Variants in ARSG observed in about 807,000 individuals in gnomAD.
ARSG encodes ASG.
Under a neutral mutation model 50.5 loss-of-function variants are expected in ARSG, and 37 were observed. The observed-to-expected ratio is 0.73, with a 90% confidence interval of 0.56 to 0.96. The LOEUF (loss-of-function observed/expected upper bound fraction) is 0.96. ARSG is among the 50% of genes least tolerant of loss of function. The pLI is 0.00. For synonymous variants in ARSG, 225 were observed against 254.6 expected (o/e 0.88, Z 1.11); for missense variants, 629 against 675.3 (o/e 0.93, Z 0.76).
intron 3 of ARSG, among the ~76,000 whole-genome samples, chr17:68,345,169 G>A (rs538173190): frequency 6.6e-6 from 1 of 152,208 alleles, no homozygotes; most frequent in African/African-American, 2.4e-5. Flanking sequence ...AGTTACATGC[G>A]TCCATGTAAA....
chr17:68,322,635 AAATT>A (rs1485520454), intron 2 of ARSG, among the ~76,000 whole-genome samples: 1 of 141,880 alleles, frequency 7.0e-6, no homozygotes, highest in Non-Finnish European at 1.6e-5. Context: ...AAATAAAAAA[AAATT>A]AAAAAAAAAA....
At chr17:68,441,027 G>C in the ARSG span, 2 of 152,194 alleles carry the variant, frequency 1.3e-5, 1 homozygote, top group South Asian at 4.1e-4. Context: ...ACCATGAACT[G>C]TTCAATGATC....
intron 2 of ARSG, among the ~76,000 whole-genome samples, chr17:68,309,433 C>G (rs1284441170): frequency 2.0e-5 from 3 of 152,220 alleles, no homozygotes; most frequent in Admixed American, 6.5e-5. Context: ...CGAGAGCGAG[C>G]GAGGGCTGTG....
intron 9 of ARSG, among the ~76,000 whole-genome samples, chr17:68,388,019 A>C (rs2080810283): frequency 6.6e-6 from 1 of 152,178 alleles, no homozygotes; most frequent in Non-Finnish European, 1.5e-5. Context: ...ACCTGCCTCC[A>C]CAGACACAAG....
At chr17:68,448,703 A>G in the ARSG span, among the ~76,000 whole-genome samples, 2 of 152,238 alleles carry the variant, frequency 1.3e-5, no homozygotes, top group South Asian at 4.1e-4. Flanking sequence ...CAATCTTAAA[A>G]AGATCATCAG....
chr17:68,348,680 C>T (rs1159936759), intron 4 of ARSG, among the ~76,000 whole-genome samples: 1 of 152,072 alleles, frequency 6.6e-6, no homozygotes, highest in Non-Finnish European at 1.5e-5. Flanking sequence ...GCCTCAGCCT[C>T]CCAAGTAGCT....
At chr17:68,427,978 C>G in the ARSG span, among the ~76,000 whole-genome samples, 1 of 151,650 alleles carries the variant, frequency 6.6e-6, no homozygotes, top group Non-Finnish European at 1.5e-5. Context: ...CAGTCTTGAC[C>G]TTCCTGGGCT....
At chr17:68,294,387 G>T (rs371232430) in intron 1 of ARSG, among the ~76,000 whole-genome samples, 1 of 152,136 alleles carries the variant, frequency 6.6e-6, no homozygotes, top group Admixed American at 6.6e-5. Context: ...TCAAGTCTTC[G>T]TGTTGGGTTG....
At chr17:68,403,815 C>T (rs952741659) in intron 11 of ARSG, among the ~76,000 whole-genome samples, 4 of 152,112 alleles carry the variant, frequency 2.6e-5, no homozygotes, top group African/African-American at 9.7e-5. Context: ...CCCATTAACT[C>T]GTCATTTACA....
chr17:68,288,507 C>T (rs533692261), upstream of ARSG, among the ~76,000 whole-genome samples: 1 of 152,252 alleles, frequency 6.6e-6, no homozygotes, highest in East Asian at 1.9e-4. Context: ...AGGGATCTAA[C>T]TGGTGAGGCG....
At chr17:68,431,015 T>C in the ARSG span, among the ~76,000 whole-genome samples, 1 of 152,146 alleles carries the variant, frequency 6.6e-6, no homozygotes, top group African/African-American at 2.4e-5. Flanking sequence ...AAAGTGACTA[T>C]GCTAGGTGCA....
At chr17:68,396,880 G>A (rs900339887) in intron 10 of ARSG, among the ~76,000 whole-genome samples, 1 of 152,220 alleles carries the variant, frequency 6.6e-6, no homozygotes, top group African/African-American at 2.4e-5. Context: ...CTAAGCAGGA[G>A]CAGCCAGGCA....
At chr17:68,261,123 C>T (rs115983431) in intron 1 of ARSG, among the ~76,000 whole-genome samples, 4,225 of 152,230 alleles carry the variant, frequency 0.028, 182 homozygotes, top group African/African-American at 0.094. Context: ...CCAGCTGTTT[C>T]GTAGCAGCAC....
chr17:68,282,947 C>CAA (rs113598461), intron 1 of ARSG: 2 of 90,762 alleles, frequency 2.2e-5, no homozygotes, highest in Non-Finnish European at 2.3e-5. Flanking sequence ...GACTCTGTCT[C>CAA]AAAAAAAAAA....
chr17:68,271,634 G>T lies in ARSG; in HGVS notation c.-552+12208G>T, dbSNP rs368721903. The T allele has an allele frequency of 1.4e-5, 23 of 1,613,054 alleles. No individual in the cohort carries two copies. The African/African-American group carries it at 2.9e-4, about 21-fold the overall frequency. ...AGGAGGCTGTATCTCCAGCCAATGC[G>T]CTCCTTCAGAGCCATGATTGCTTGA... On this transcript the variant is annotated intron_variant, in intron 1 of 11. Transcript: ENST00000448504. This position sits in a 1 kb window ranked among gnomAD's most constrained non-coding sequence, Gnocchi z 5.3.
At chr17:68,432,839 C>G in the ARSG span, among the ~76,000 whole-genome samples, 1 of 152,216 alleles carries the variant, frequency 6.6e-6, no homozygotes, top group African/African-American at 2.4e-5. Context: ...CTGGGGGCTG[C>G]TCCTTTCTCA....
In ARSG at chr17:68,307,413, T is replaced by G; in HGVS notation, c.-81T>G. ...CCCCAGAGACTTCCTGCTTTGAAAG[T>G]GAGCAGAAAGGAAGCTCTCAGAAAA... On this transcript the variant is annotated 5_prime_UTR_variant, in exon 2 of 12. Coordinates refer to ENST00000621439, the MANE Select transcript of ARSG (RefSeq NM_001267727.2). 9.0e-7 allele frequency: 1 copy of G among 1,116,238 alleles called. No homozygotes were observed. Among genetic ancestry groups the G allele is most frequent in the Non-Finnish European group, 1.3e-6 (1 of 754,502 alleles). 69.1% of individuals were successfully genotyped at this position (1,116,238 alleles called of 1,614,324 possible).
intron 2 of ARSG, among the ~76,000 whole-genome samples, chr17:68,319,370 A>T (rs1262660744): frequency 2.6e-5 from 4 of 152,128 alleles, no homozygotes; most frequent in Non-Finnish European, 5.9e-5. Flanking sequence ...CACTTGAGTA[A>T]ATAGGTCAAA....
intron 1 of ARSG, chr17:68,278,436 T>C: frequency 3.1e-6 from 2 of 655,388 alleles, no homozygotes; most frequent in South Asian, 4.0e-5. Context: ...ATTTCTTAAG[T>C]TGTTGAATAT....
Sources: allele counts gnomAD v4.1 joint callset (sites outside exome capture counted in the v4.1 genomes callset), GRCh38; gene constraint gnomAD v4.1.1; non-coding constraint Gnocchi (gnomAD v3.1); transcripts MANE v1.5; gene names NCBI Gene and HGNC (gene_info 2026-07-23, HGNC 2026-07-21).